The following SORCS1 variants were observed in gnomAD, a reference collection of about 807,000 sequenced individuals.
The protein encoded by SORCS1 is VPS10 domain-containing receptor SorCS1.
In SORCS1, 60 loss-of-function variants were observed where a neutral mutation model predicts 146.1. The ratio of observed to expected loss-of-function variants is 0.41; its 90% CI spans 0.33 to 0.51. The LOEUF (loss-of-function observed/expected upper bound fraction) is 0.51. SORCS1 is among the 20% of genes least tolerant of loss of function. The pLI, the probability that SORCS1 is intolerant of heterozygous loss-of-function variation, is 0.21. For synonymous variants in SORCS1, 637 were observed against 584.0 expected (o/e 1.09, Z -1.31); for missense variants, 1,352 against 1,487.6 (o/e 0.91, Z 1.50).
At chr10:107,136,354 A>C (rs1011183370) in intron 1 of SORCS1, among the ~76,000 whole-genome samples, 2 of 152,210 alleles carry the variant, frequency 1.3e-5, no homozygotes, top group Non-Finnish European at 2.9e-5. Context: ...CGGAGCTCAA[A>C]CAATAAGTCT....
chr10:106,972,298 T>C (rs1437140002), intron 1 of SORCS1, among the ~76,000 whole-genome samples: 1 of 150,944 alleles, frequency 6.6e-6, no homozygotes, highest in South Asian at 2.1e-4. Context: ...GGAGAATCAC[T>C]TGAACCTAGG....
intron 3 of SORCS1, among the ~76,000 whole-genome samples, chr10:106,824,135 C>T (rs1325688712): frequency 6.6e-6 from 1 of 151,524 alleles, no homozygotes; most frequent in Non-Finnish European, 1.5e-5. Context: ...GAAATCCCAT[C>T]TCTACCAAAA....
intron 18 of SORCS1, among the ~76,000 whole-genome samples, chr10:106,633,129 C>T (rs1848532776): frequency 6.6e-6 from 1 of 152,052 alleles, no homozygotes; most frequent in African/African-American, 2.4e-5. Context: ...TATCTTTCTC[C>T]TAAGAGCAAT....
chr10:106,780,488 G>A (rs201985478), intron 3 of SORCS1, among the ~76,000 whole-genome samples: 1 of 152,184 alleles, frequency 6.6e-6, no homozygotes, highest in African/African-American at 2.4e-5. Context: ...CAAAAAGAGA[G>A]GTCATTGTCT....
In SORCS1 at chr10:107,007,487, A is replaced by T. The variant is rs143343007; in HGVS notation, c.559-50907T>A. Among the ~76,000 whole-genome samples the T allele has an allele frequency of 7.2e-3, 1,094 of 152,322 alleles. 11 individuals are homozygous for T. Among genetic ancestry groups the T allele is most frequent in the Non-Finnish European group, 0.012 (824 of 68,024 alleles). On this transcript the variant is annotated intron_variant, in intron 1 of 25. Transcript: ENST00000263054. ...AGGCAACAGCCAGTACCATCTTACC[A>T]GTCATGTGGGTAAGCCATCTTGAAA...
chr10:107,038,142 C>T (rs573286345), intron 1 of SORCS1, among the ~76,000 whole-genome samples: 33 of 152,202 alleles, frequency 2.2e-4, no homozygotes, highest in African/African-American at 7.9e-4. Flanking sequence ...TTTTTAATTC[C>T]TCCATGTAGT....
chr10:106,597,470 T>C lies in SORCS1; in HGVS notation c.3166-20A>G. The C allele has an allele frequency of 6.3e-7, 1 of 1,580,334 alleles. No individual in the cohort carries two copies. Among genetic ancestry groups the C allele is most frequent in the African/African-American group, 1.3e-5 (1 of 74,344 alleles). The stretch of plus-strand genomic sequence containing the variant: ...TGATATCTGAAAAAAGAAGCATAGT[T>C]AGTGACACCAAAAGTGTCATACTGA... On this transcript the variant is annotated intron_variant, in intron 23 of 25. Transcript: ENST00000263054.
At chr10:106,648,003 G>T (rs1222055695) in intron 18 of SORCS1, among the ~76,000 whole-genome samples, 1 of 151,860 alleles carries the variant, frequency 6.6e-6, no homozygotes, top group Non-Finnish European at 1.5e-5. Flanking sequence ...AAGTAGCTGG[G>T]ACCACAGACA....
intron 19 of SORCS1, among the ~76,000 whole-genome samples, chr10:106,621,395 G>C (rs1847734745): frequency 6.6e-6 from 1 of 151,746 alleles, no homozygotes; most frequent in South Asian, 2.1e-4. Context: ...TGAGGTAGAG[G>C]AGAGAGCAAT....
chr10:106,959,128 A>G (rs1241073913), intron 1 of SORCS1, among the ~76,000 whole-genome samples: 1 of 152,184 alleles, frequency 6.6e-6, no homozygotes, highest in Admixed American at 6.5e-5. Context: ...CACTTGCACA[A>G]GCACACAGAA....
At chr10:106,768,510 G>A (rs1859747500) in intron 4 of SORCS1, among the ~76,000 whole-genome samples, 1 of 151,984 alleles carries the variant, frequency 6.6e-6, no homozygotes, top group Admixed American at 6.6e-5. Context: ...GGGGCTGCTA[G>A]GTCTATTAAA....
chr10:106,729,080 G>A (rs1018623524), intron 6 of SORCS1, among the ~76,000 whole-genome samples: 1 of 152,172 alleles, frequency 6.6e-6, no homozygotes, highest in Non-Finnish European at 1.5e-5. Context: ...TACCAGAGAA[G>A]GGGAAGGAAA....
chr10:107,025,980 C>T (rs1564941449), intron 1 of SORCS1, among the ~76,000 whole-genome samples: 1 of 152,176 alleles, frequency 6.6e-6, no homozygotes, highest in Non-Finnish European at 1.5e-5. Flanking sequence ...CCTCCCTTCA[C>T]ACAACACAAA....
chr10:106,717,012 A>C (rs1855425215), intron 6 of SORCS1, among the ~76,000 whole-genome samples: 1 of 152,190 alleles, frequency 6.6e-6, no homozygotes, highest in African/African-American at 2.4e-5. Context: ...TCATTCAACA[A>C]GTGTTTATTT....
chr10:107,169,727 C>T, the SORCS1 span, among the ~76,000 whole-genome samples: 1 of 152,268 alleles, frequency 6.6e-6, no homozygotes, highest in Admixed American at 6.5e-5. Context: ...TTACAGAATA[C>T]AAATAAATTT....
intron 3 of SORCS1, among the ~76,000 whole-genome samples, chr10:106,821,891 C>T (rs1008228819): frequency 6.6e-6 from 1 of 151,238 alleles, no homozygotes; most frequent in African/African-American, 2.4e-5. Flanking sequence ...CACTGCACTC[C>T]AGCCTGGGTG....
In SORCS1 at chr10:106,854,365, A is replaced by G. The variant is rs1164883428; in HGVS notation, c.627-24692T>C. Among the ~76,000 whole-genome samples the G allele has an allele frequency of 2.0e-5, 3 of 152,026 alleles. No individual in the cohort carries two copies. The East Asian group carries it at 5.8e-4, about 29-fold the overall frequency. ...TTTGTCTTTGAAGTGGGTTTCTTGT[A>G]GACAACATATAGTTAGGGCTTGTTT... On this transcript the variant is annotated intron_variant, in intron 2 of 25. Transcript: ENST00000263054.
intron 1 of SORCS1, among the ~76,000 whole-genome samples, chr10:107,103,320 C>T (rs1965076215): frequency 6.6e-6 from 1 of 152,192 alleles, no homozygotes; most frequent in Non-Finnish European, 1.5e-5. Flanking sequence ...AATAATTGGC[C>T]TGGCCTGGCT....
chr10:107,067,235 T>C (rs1475704690), intron 1 of SORCS1, among the ~76,000 whole-genome samples: 3 of 152,090 alleles, frequency 2.0e-5, no homozygotes, highest in East Asian at 1.9e-4. Context: ...GACATATTAA[T>C]AGTTTCCCTG....
Sources: allele counts gnomAD v4.1 joint callset (sites outside exome capture counted in the v4.1 genomes callset), GRCh38; gene constraint gnomAD v4.1.1; transcripts MANE v1.5; gene names NCBI Gene and HGNC (gene_info 2026-07-23, HGNC 2026-07-21).